The following SEMA5A variants were observed in gnomAD, a reference collection of about 807,000 sequenced individuals.
The protein encoded by SEMA5A is semaphorin 5A.
Under a neutral mutation model 135.5 loss-of-function variants are expected in SEMA5A, and 55 were observed. The ratio of observed to expected loss-of-function variants is 0.41; its 90% confidence interval spans 0.33 to 0.51. The LOEUF is 0.51. SEMA5A is among the 20% of genes least tolerant of loss of function. The probability of loss-of-function intolerance (pLI) is 0.37; values close to 1 mark genes in which losing one functional copy is unlikely to be tolerated. For missense variants in SEMA5A, 1,290 were observed against 1,419.9 expected (o/e 0.91, Z 1.47); for synonymous variants, 580 against 546.5 (o/e 1.06, Z -0.85).
At chr5:9,185,226 C>A (rs1380139004) in intron 11 of SEMA5A, among the ~76,000 whole-genome samples, 1 of 152,204 alleles carries the variant, frequency 6.6e-6, no homozygotes, top group Non-Finnish European at 1.5e-5. Flanking sequence ...CTGTGCCCAG[C>A]TCTATTTTTT....
intron 1 of SEMA5A, among the ~76,000 whole-genome samples, chr5:9,466,213 C>T (rs1244601906): frequency 6.6e-6 from 1 of 150,464 alleles, no homozygotes; most frequent in African/African-American, 2.4e-5. Flanking sequence ...ACACCGGGGA[C>T]TGTTGTGGGG....
At chr5:9,240,360 T>C (rs756207403) in intron 5 of SEMA5A, among the ~76,000 whole-genome samples, 3 of 152,000 alleles carry the variant, frequency 2.0e-5, no homozygotes, top group Non-Finnish European at 4.4e-5. Flanking sequence ...ATATTAAGAA[T>C]GGAACTTTAC....
chr5:9,281,762 C>G (rs181041003), intron 5 of SEMA5A, among the ~76,000 whole-genome samples: 1 of 151,088 alleles, frequency 6.6e-6, no homozygotes, highest in Non-Finnish European at 1.5e-5. Flanking sequence ...GGGGAGAAGA[C>G]GGCATGCTGT....
chr5:9,493,759 T>C (rs1251260678), intron 1 of SEMA5A, among the ~76,000 whole-genome samples: 2 of 152,210 alleles, frequency 1.3e-5, no homozygotes, highest in Admixed American at 1.3e-4. Context: ...TATGATTTCT[T>C]TGATGCACTA....
intron 5 of SEMA5A, among the ~76,000 whole-genome samples, chr5:9,312,336 G>C (rs1752177183): frequency 7.2e-6 from 1 of 137,934 alleles, no homozygotes; most frequent in South Asian, 2.4e-4. Flanking sequence ...TCAGCATGCA[G>C]TGAGTTGCAA....
intron 5 of SEMA5A, among the ~76,000 whole-genome samples, chr5:9,288,089 C>T (rs1229724027): frequency 6.6e-6 from 1 of 152,132 alleles, no homozygotes; most frequent in Admixed American, 6.5e-5. Flanking sequence ...GAATTAAAAG[C>T]ACTTCACAAA....
At chr5:9,321,116 C>T (rs887681944) in intron 4 of SEMA5A, among the ~76,000 whole-genome samples, 1 of 152,104 alleles carries the variant, frequency 6.6e-6, no homozygotes. Flanking sequence ...GTTTTATAAG[C>T]ATCTGGCATT....
Position 9,199,482 on chromosome 5 carries a change from G to T in SEMA5A, c.933-2179C>A, listed in dbSNP as rs58710350. Among the ~76,000 whole-genome samples the T allele has an allele frequency of 6.0e-3, 912 of 152,238 alleles. 8 individuals are homozygous for T. The highest frequency in any genetic ancestry group is 0.021 in the African/African-American group (858 of 41,528). On this transcript the variant is annotated intron_variant, in intron 9 of 22. Transcript: ENST00000382496. The stretch of plus-strand genomic sequence containing the variant: ...GTACATATTCACTCGCTTCTTCAGG[G>T]TCTCCAGACCTGTGGGCAGGCGAGG...
chr5:9,451,571 A>G (rs1001214133), intron 1 of SEMA5A, among the ~76,000 whole-genome samples: 18 of 152,232 alleles, frequency 1.2e-4, no homozygotes, highest in African/African-American at 4.1e-4. Flanking sequence ...AAAGGCTTCT[A>G]AGGTAAACCA....
chr5:9,379,711 A>T, intron 3 of SEMA5A, 112 bp downstream of exon 3: 3 of 1,305,148 alleles, frequency 2.3e-6, no homozygotes, highest in Non-Finnish European at 3.1e-6. Context: ...TGTGTCTGAA[A>T]CAAGAGCCAC....
chr5:9,186,469 C>T (rs952694358), intron 11 of SEMA5A, among the ~76,000 whole-genome samples: 4 of 152,158 alleles, frequency 2.6e-5, no homozygotes, highest in African/African-American at 9.7e-5. Context: ...ATACACCTAC[C>T]ACCAAACCTG....
chr5:9,467,998 T>C (rs1402864693), intron 1 of SEMA5A, among the ~76,000 whole-genome samples: 2 of 152,132 alleles, frequency 1.3e-5, no homozygotes, highest in Non-Finnish European at 2.9e-5. Flanking sequence ...TTATCCCTAT[T>C]ATGTGGAGCA....
intron 13 of SEMA5A, among the ~76,000 whole-genome samples, chr5:9,130,557 C>T (rs1579447941): frequency 6.6e-6 from 1 of 152,158 alleles, no homozygotes; most frequent in Non-Finnish European, 1.5e-5. Flanking sequence ...TACCTCTGAG[C>T]CCCACCTCTT....
intron 16 of SEMA5A, among the ~76,000 whole-genome samples, chr5:9,092,019 T>C (rs1739061645): frequency 6.6e-6 from 1 of 152,214 alleles, no homozygotes. Flanking sequence ...CTTTCAACTA[T>C]GATACTTTCT....
At chr5:9,247,882 T>G (rs553869930) in intron 5 of SEMA5A, among the ~76,000 whole-genome samples, 1 of 152,286 alleles carries the variant, frequency 6.6e-6, no homozygotes, top group South Asian at 2.1e-4. Flanking sequence ...AACACATTAT[T>G]TACTATATTA....
At chr5:9,409,033 A>C (rs998066166) in intron 2 of SEMA5A, among the ~76,000 whole-genome samples, 5 of 152,178 alleles carry the variant, frequency 3.3e-5, no homozygotes, top group Non-Finnish European at 7.3e-5. Context: ...GGAAACTAAG[A>C]CCTGAGAAAG....
At position 9,130,291 on chromosome 5, in the gene SEMA5A, T is replaced by C. The variant is rs147816142; in HGVS notation, c.1599+6213A>G. On this transcript the variant is annotated intron_variant, in intron 13 of 22. Transcript: ENST00000382496. ...TTGAAGTCTTATTTTTCTATTCTGATATTTTTTCAAAAATTAAAAAAAAAT... is the reference window on the plus strand; with the variant it reads ...TTGAAGTCTTATTTTTCTATTCTGACATTTTTTCAAAAATTAAAAAAAAAT... Among the ~76,000 whole-genome samples the C allele has an allele frequency of 2.4e-4, 37 of 152,326 alleles. No homozygotes were observed. The East Asian group carries it at 7.1e-3, about 29-fold the overall frequency.
intron 12 of SEMA5A, among the ~76,000 whole-genome samples, chr5:9,151,560 A>AT (rs1002796590): frequency 9.9e-5 from 15 of 151,620 alleles, no homozygotes; most frequent in South Asian, 6.3e-4. Flanking sequence ...TTGTGCAGTT[A>AT]TTTTTTTTTA....
At chr5:9,365,861 A>G (rs1754893249) in intron 3 of SEMA5A, among the ~76,000 whole-genome samples, 2 of 152,162 alleles carry the variant, frequency 1.3e-5, no homozygotes, top group African/African-American at 2.4e-5. Flanking sequence ...CCATCCTAAC[A>G]TGAAATAAAA....
Sources: gnomAD v4.1 joint callset for allele counts (sites outside exome capture counted in the v4.1 genomes callset) on GRCh38, gnomAD v4.1.1 for gene constraint, MANE v1.5 for transcripts, NCBI Gene and HGNC (gene_info 2026-07-23, HGNC 2026-07-21) for gene names.